BBS9: variants seen among roughly 807,000 people sequenced by gnomAD.
BBS9 encodes the protein protein PTHB1.
BBS9 carries 89 observed loss-of-function variants against 117.7 expected under a neutral mutation model. That is an observed-to-expected ratio of 0.76 (90% CI 0.64 to 0.90). BBS9 has a LOEUF of 0.90. Among genes scored for constraint, BBS9 ranks in the 40% least tolerant of loss-of-function variants. BBS9 has a pLI of 0.00. For missense variants in BBS9, 982 were observed against 1,042.2 expected (o/e 0.94, Z 0.80); for synonymous variants, 379 against 370.9 (o/e 1.02, Z -0.25).
chr7:33,635,035 G>C (rs2129232588), intron 21 of BBS9, among the ~76,000 whole-genome samples: 1 of 152,272 alleles, frequency 6.6e-6, no homozygotes. Flanking sequence ...TCGGTACCCA[G>C]TGTCCTTCCT....
chr7:33,539,273 C>G (rs896287072), intron 21 of BBS9, among the ~76,000 whole-genome samples: 10 of 152,212 alleles, frequency 6.6e-5, no homozygotes, highest in Admixed American at 6.5e-4. Flanking sequence ...AACTCACTCA[C>G]ACTGTTGGTG....
At chr7:33,247,640 C>A (rs948033107) in intron 5 of BBS9, among the ~76,000 whole-genome samples, 3 of 152,140 alleles carry the variant, frequency 2.0e-5, no homozygotes, top group South Asian at 2.1e-4. Context: ...TCTGTTCTTA[C>A]ATTGTTGTAC....
At chr7:33,202,461 C>T (rs1250007966) in intron 5 of BBS9, among the ~76,000 whole-genome samples, 3 of 152,102 alleles carry the variant, frequency 2.0e-5, no homozygotes, top group Non-Finnish European at 4.4e-5. Context: ...AGTCCATTCT[C>T]ACATTGCTAT....
At chr7:33,368,127 T>C (rs186726149) in intron 17 of BBS9, among the ~76,000 whole-genome samples, 1 of 152,300 alleles carries the variant, frequency 6.6e-6, no homozygotes, top group East Asian at 1.9e-4. Flanking sequence ...ATTCACTTTA[T>C]CAGAGTGTAT....
intron 5 of BBS9, among the ~76,000 whole-genome samples, chr7:33,191,569 T>C (rs1259247025): frequency 6.6e-6 from 1 of 152,270 alleles, no homozygotes; most frequent in African/African-American, 2.4e-5. Context: ...CTCAGGTGTG[T>C]ATATGAATTG....
At position 33,177,387 on chromosome 7, in the gene BBS9, A is replaced by C. The variant is rs547292414; in HGVS notation, c.329-91A>C. On this transcript the variant is annotated intron_variant, in intron 4 of 22. Coordinates refer to ENST00000242067, the MANE Select transcript of BBS9 (RefSeq NM_198428.3). ...GTGCTTTGCCATTATAATTTCCCTAAAATTACTTAGAATCGGAGTAGTGGA... is the reference window on the plus strand; with the variant it reads ...GTGCTTTGCCATTATAATTTCCCTACAATTACTTAGAATCGGAGTAGTGGA... The C allele has an allele frequency of 1.8e-4, 155 of 874,886 alleles. 1 individual carries two copies. The South Asian group carries it at 2.0e-3, about 11-fold the overall frequency. 54.2% of individuals were successfully genotyped at this position (874,886 alleles called of 1,614,324 possible).
chr7:33,601,311 T>C (rs1342711481), intron 21 of BBS9, among the ~76,000 whole-genome samples: 5 of 151,974 alleles, frequency 3.3e-5, no homozygotes, highest in Admixed American at 6.6e-5. Flanking sequence ...ACACTTGCCA[T>C]TGTGTTTGGA....
At chr7:33,199,633 T>C (rs1329615075) in intron 5 of BBS9, among the ~76,000 whole-genome samples, 4 of 151,742 alleles carry the variant, frequency 2.6e-5, no homozygotes, top group Non-Finnish European at 5.9e-5. Flanking sequence ...TTCCTCCTCC[T>C]CTCACTTCAA....
At chr7:33,475,271 G>A (rs1035399399) in intron 19 of BBS9, among the ~76,000 whole-genome samples, 3 of 152,186 alleles carry the variant, frequency 2.0e-5, no homozygotes, top group Non-Finnish European at 2.9e-5. Flanking sequence ...TTAATTTACA[G>A]AAGCAGGTGG....
rs139228403 is a variant in BBS9, at chr7:33,409,220, A to G, written c.2115+21076A>G. ...ATTGTGTTTGAGGACTTAGGCATAA[A>G]TTCGTTGCCACAGCTGATATTGAGA... On this transcript the variant is annotated intron_variant, in intron 19 of 22. Coordinates refer to ENST00000242067, the MANE Select transcript of BBS9 (RefSeq NM_198428.3). Among the ~76,000 whole-genome samples, 652 of 152,316 alleles carry G rather than the reference A, an allele frequency of 4.3e-3. 2 individuals carry two copies. Among genetic ancestry groups the G allele is most frequent in the Non-Finnish European group, 7.2e-3 (493 of 68,030 alleles).
At chr7:33,540,149 G>A (rs1852046522) in intron 21 of BBS9, among the ~76,000 whole-genome samples, 1 of 152,164 alleles carries the variant, frequency 6.6e-6, no homozygotes, top group African/African-American at 2.4e-5. Flanking sequence ...CTAACCACAT[G>A]TGCTAATGTG....
At chr7:33,344,544 A>G (rs1434867168) in intron 11 of BBS9, 37 bp from the exon 12 acceptor site, 1 of 1,599,596 alleles carries the variant, frequency 6.3e-7, no homozygotes, top group East Asian at 2.2e-5. Flanking sequence ...TAATATTGAC[A>G]TCATTCTTTC....
intron 17 of BBS9, among the ~76,000 whole-genome samples, chr7:33,374,995 C>T (rs1342149058): frequency 6.6e-6 from 1 of 151,350 alleles, no homozygotes; most frequent in Non-Finnish European, 1.5e-5. Context: ...TTCTGTCTCT[C>T]ATTTCAAAAT....
At chr7:33,344,238 G>A (rs1310334179) in intron 11 of BBS9, among the ~76,000 whole-genome samples, 1 of 150,686 alleles carries the variant, frequency 6.6e-6, no homozygotes, top group East Asian at 2.0e-4. Context: ...CCCGCCACCG[G>A]GCCCGGCTAA....
rs1794235171 is a variant in BBS9 at position 33,240,158 on chromosome 7, CTTAT to C, written c.443-17075_443-17072del. Among the ~76,000 whole-genome samples the C allele has an allele frequency of 3.3e-5, 5 of 151,800 alleles. No individual in the cohort carries two copies. In the South Asian group the frequency reaches 6.2e-4, roughly 19 times the overall value. On this transcript the variant is annotated intron_variant, in intron 5 of 22. Coordinates refer to ENST00000242067, the MANE Select transcript of BBS9 (RefSeq NM_198428.3). ...TTTTTAGACTATTTATTTCCTTTGA[CTTAT>C]TTGTCTGTAGTTTATCTATAATGAA...
exon 22 of BBS9, among the ~76,000 whole-genome samples, chr7:33,635,346 G>T (rs1866093231): frequency 1.3e-5 from 2 of 152,178 alleles, no homozygotes; most frequent in Admixed American, 6.5e-5. Flanking sequence ...TTCTGTCTTT[G>T]GTCTGTGATG....
chr7:33,535,945 T>C (rs1223090146), intron 21 of BBS9, among the ~76,000 whole-genome samples: 1 of 152,088 alleles, frequency 6.6e-6, no homozygotes, highest in African/African-American at 2.4e-5. Flanking sequence ...CTCAAATCCC[T>C]GTCTTAGTCG....
At chr7:33,131,084 A>G (rs1218201069) in intron 1 of BBS9, among the ~76,000 whole-genome samples, 3 of 152,360 alleles carry the variant, frequency 2.0e-5, no homozygotes, top group African/African-American at 2.4e-5. Flanking sequence ...TAACATTTCC[A>G]TTAGTGATTA....
At chr7:33,426,225 A>G (rs1321822112) in intron 19 of BBS9, among the ~76,000 whole-genome samples, 1 of 152,210 alleles carries the variant, frequency 6.6e-6, no homozygotes, top group Non-Finnish European at 1.5e-5. Flanking sequence ...TAAATGCACC[A>G]TGATAAAAAT....
Sources: gnomAD v4.1 joint callset for allele counts (sites outside exome capture counted in the v4.1 genomes callset) on GRCh38, gnomAD v4.1.1 for gene constraint, MANE v1.5 for transcripts, NCBI Gene and HGNC (gene_info 2026-07-23, HGNC 2026-07-21) for gene names.